Variants in EBF1 observed in about 807,000 individuals in gnomAD.
EBF1 encodes EBF transcription factor 1, also known as transcription factor COE1.
A neutral mutation model predicts 68.4 loss-of-function variants in EBF1; 10 were observed. That is an observed-to-expected ratio of 0.15 (90% CI 0.09 to 0.25). The LOEUF (loss-of-function observed/expected upper bound fraction) is 0.25, where lower values mean the gene tolerates loss of function less well. Among genes scored for constraint, EBF1 ranks in the 10% least tolerant of loss-of-function variants. The pLI is 1.00. For synonymous variants in EBF1, 298 were observed against 299.8 expected (o/e 0.99, Z 0.06); for missense variants, 509 against 794.4 (o/e 0.64, Z 4.32).
intron 6 of EBF1, among the ~76,000 whole-genome samples, chr5:158,997,979 A>G (rs575948215): frequency 6.6e-6 from 1 of 151,770 alleles, no homozygotes; most frequent in Middle Eastern, 3.4e-3. Flanking sequence ...TCCTGCCACC[A>G]TTTCCTTCCC....
At chr5:159,082,103 G>C (rs1779834092) in intron 5 of EBF1, among the ~76,000 whole-genome samples, 1 of 152,078 alleles carries the variant, frequency 6.6e-6, no homozygotes, top group Non-Finnish European at 1.5e-5. Context: ...GCAACCACCT[G>C]AGACACAATT....
At chr5:159,087,037 C>T (rs1269338089) in intron 4 of EBF1, among the ~76,000 whole-genome samples, 1 of 151,916 alleles carries the variant, frequency 6.6e-6, no homozygotes, top group Non-Finnish European at 1.5e-5. Context: ...AGATCTCATA[C>T]ATGATGCTAA....
intron 9 of EBF1, among the ~76,000 whole-genome samples, chr5:158,781,357 T>C (rs1776421216): frequency 6.6e-6 from 1 of 152,168 alleles, no homozygotes; most frequent in Non-Finnish European, 1.5e-5. Context: ...ATCACAAGTT[T>C]TGTCTTCTTT....
chr5:158,810,996 G>A (rs1211386717), intron 8 of EBF1, among the ~76,000 whole-genome samples: 1 of 151,940 alleles, frequency 6.6e-6, no homozygotes, highest in Non-Finnish European at 1.5e-5. Context: ...ATTTTCTCTT[G>A]TGTCCCTCCA....
chr5:158,945,199 T>C (rs945698594), intron 6 of EBF1, among the ~76,000 whole-genome samples: 3 of 152,154 alleles, frequency 2.0e-5, no homozygotes, highest in Non-Finnish European at 4.4e-5. Context: ...GTTTTTATGG[T>C]TTTAGGTTTT....
intron 4 of EBF1, among the ~76,000 whole-genome samples, chr5:159,094,164 G>GA (rs1415478986): frequency 1.4e-4 from 2 of 14,228 alleles, no homozygotes; most frequent in South Asian, 2.0e-3. Context: ...GCCTTGGAAG[G>GA]CAAAAAAAAA....
intron 6 of EBF1, among the ~76,000 whole-genome samples, chr5:158,901,045 A>T (rs1353761300): frequency 6.6e-6 from 1 of 152,156 alleles, no homozygotes; most frequent in African/African-American, 2.4e-5. Flanking sequence ...TAATGAACTC[A>T]CTGCCCTCAA....
intron 9 of EBF1, among the ~76,000 whole-genome samples, chr5:158,779,425 T>A (rs532202041): frequency 1.3e-5 from 2 of 152,230 alleles, no homozygotes; most frequent in South Asian, 4.1e-4. Context: ...AGTAACAAAC[T>A]CAGTTTTTTT....
At chr5:159,098,938 G>C (rs1330111169) in intron 1 of EBF1, among the ~76,000 whole-genome samples, 1 of 149,856 alleles carries the variant, frequency 6.7e-6, no homozygotes, top group East Asian at 2.0e-4. Context: ...GAGAAAGAAA[G>C]AAAGAAAAAA....
intron 6 of EBF1, among the ~76,000 whole-genome samples, chr5:159,011,701 C>T (rs982956406): frequency 6.6e-6 from 1 of 152,160 alleles, no homozygotes; most frequent in Non-Finnish European, 1.5e-5. Context: ...CTGACTGCTG[C>T]GTTTGTTTAC....
intron 10 of EBF1, among the ~76,000 whole-genome samples, chr5:158,735,095 T>C (rs1269036202): frequency 6.6e-6 from 1 of 152,176 alleles, no homozygotes; most frequent in African/African-American, 2.4e-5. Context: ...GGGGGTGGCA[T>C]TCGTAGGAAT....
At chr5:159,017,605 G>T (rs1765874727) in intron 6 of EBF1, among the ~76,000 whole-genome samples, 1 of 152,152 alleles carries the variant, frequency 6.6e-6, no homozygotes, top group Non-Finnish European at 1.5e-5. Context: ...TGTTTAATGT[G>T]ATAAATTTTG....
At chr5:158,721,245 G>A (rs1761871368) in intron 11 of EBF1, among the ~76,000 whole-genome samples, 1 of 152,116 alleles carries the variant, frequency 6.6e-6, no homozygotes, top group Non-Finnish European at 1.5e-5. Flanking sequence ...CATGGTTGGA[G>A]GTAAACCAGA....
intron 6 of EBF1, among the ~76,000 whole-genome samples, chr5:158,855,868 C>T (rs770696227): frequency 6.6e-6 from 1 of 152,318 alleles, no homozygotes; most frequent in Non-Finnish European, 1.5e-5. Flanking sequence ...CCTGCTGAAA[C>T]GAGACCATGG....
intron 7 of EBF1, among the ~76,000 whole-genome samples, chr5:158,827,687 T>A (rs1365292962): frequency 6.6e-6 from 1 of 152,168 alleles, no homozygotes; most frequent in Non-Finnish European, 1.5e-5. Flanking sequence ...CTCTGTCTCA[T>A]GAGCAGATTT....
chr5:158,928,743 C>T (rs1036587704), intron 6 of EBF1, among the ~76,000 whole-genome samples: 25 of 152,026 alleles, frequency 1.6e-4, no homozygotes, highest in African/African-American at 5.3e-4. Flanking sequence ...GTTTTCATTT[C>T]GTTTAAAGGG....
At chr5:158,891,260 G>A (rs927750421) in intron 6 of EBF1, among the ~76,000 whole-genome samples, 1 of 152,116 alleles carries the variant, frequency 6.6e-6, no homozygotes, top group African/African-American at 2.4e-5. Flanking sequence ...TCTGTATGTA[G>A]CCAACTTCTG....
chr5:158,731,435 A>C lies in EBF1; in HGVS notation c.1037-278T>G, dbSNP rs575836054. ...ACACTCCTTACATGATCATAAATAG[A>C]AAGTAAAATGGTATTTGATGTGAGG... is the stretch of plus-strand genomic sequence containing the variant. On this transcript the variant is annotated intron_variant, in intron 10 of 15. Transcript: ENST00000313708. 2.0e-5 allele frequency among the ~76,000 whole-genome samples: 3 copies of C among 152,322 alleles called. No individual in the cohort carries two copies. In the South Asian group the frequency reaches 6.2e-4, roughly 32 times the overall value.
At chr5:158,810,072 G>C (rs539242346) in intron 8 of EBF1, among the ~76,000 whole-genome samples, 1 of 152,292 alleles carries the variant, frequency 6.6e-6, no homozygotes, top group African/African-American at 2.4e-5. Context: ...AGGAATATGA[G>C]GTTTGACTTT....
Sources: gnomAD v4.1 joint callset for allele counts (sites outside exome capture counted in the v4.1 genomes callset) on GRCh38, gnomAD v4.1.1 for gene constraint, MANE v1.5 for transcripts, NCBI Gene and HGNC (gene_info 2026-07-23, HGNC 2026-07-21) for gene names.